The following DLG5 variants were observed in gnomAD, a reference collection of about 807,000 sequenced individuals.
DLG5 encodes disks large homolog 5.
DLG5 carries 48 observed loss-of-function variants against 189.8 expected under a neutral mutation model. That is an observed-to-expected ratio of 0.25 (90% CI 0.20 to 0.32). The LOEUF is 0.32. Among genes scored for constraint, DLG5 ranks in the 10% least tolerant of loss-of-function variants. The probability of loss-of-function intolerance (pLI) is 1.00; values close to 1 mark genes in which losing one functional copy is unlikely to be tolerated. For missense variants in DLG5, 2,160 were observed against 2,544.7 expected (o/e 0.85, Z 3.25); for synonymous variants, 1,016 against 1,054.1 (o/e 0.96, Z 0.70).
intron 13 of DLG5, chr10:77,824,684 C>T: frequency 1.9e-6 from 1 of 536,186 alleles, no homozygotes; most frequent in Non-Finnish European, 3.3e-6. Context: ...CATAAGCCTT[C>T]ACAGCAGGCT....
intron 1 of DLG5, among the ~76,000 whole-genome samples, chr10:77,905,399 T>C (rs1208632435): frequency 1.3e-5 from 2 of 152,204 alleles, no homozygotes; most frequent in Non-Finnish European, 2.9e-5. Context: ...ATGGCCAAGA[T>C]GAGAATATGG....
intron 23 of DLG5, 84 bp downstream of exon 23, chr10:77,811,010 C>T: frequency 6.6e-7 from 1 of 1,517,078 alleles, no homozygotes; most frequent in East Asian, 2.3e-5. Context: ...GCCAGCTGCC[C>T]AGTGCCCACG....
rs376423774 is a variant in DLG5, at chr10:77,823,975, C to T, written c.2382+409G>A. Among the ~76,000 whole-genome samples the T allele has an allele frequency of 7.9e-5, 12 of 152,020 alleles. 1 individual carries two copies. Among genetic ancestry groups the T allele is most frequent in the Admixed American group, 5.9e-4 (9 of 15,258 alleles). Reference sequence around the variant, plus strand: ...GCTGTGTTGCTGGGCTCAAGTGATTCGACTGCCTTGGCCTCCCAAAGTGTT... The same window carrying T: ...GCTGTGTTGCTGGGCTCAAGTGATTTGACTGCCTTGGCCTCCCAAAGTGTT... On this transcript the variant is annotated intron_variant, in intron 14 of 31. Transcript: ENST00000372391.
chr10:77,841,016 T>C (rs1483467835), intron 7 of DLG5, among the ~76,000 whole-genome samples: 4 of 152,236 alleles, frequency 2.6e-5, no homozygotes, highest in Admixed American at 2.6e-4. Context: ...CTTTGAAAGC[T>C]GCATTCTAAC....
intron 1 of DLG5, among the ~76,000 whole-genome samples, chr10:77,874,016 G>A (rs1440947193): frequency 6.6e-6 from 1 of 152,180 alleles, no homozygotes. Context: ...ACAGCCTGAC[G>A]AACCACAGCA....
At chr10:77,938,010 G>A in the DLG5 span, among the ~76,000 whole-genome samples, 1 of 150,558 alleles carries the variant, frequency 6.6e-6, no homozygotes, top group Non-Finnish European at 1.5e-5. Context: ...GAGCCACCGC[G>A]CCTGGCCATA....
chr10:77,934,154 C>T, the DLG5 span, among the ~76,000 whole-genome samples: 4 of 151,906 alleles, frequency 2.6e-5, no homozygotes, highest in African/African-American at 4.8e-5. Flanking sequence ...GTGGATCACC[C>T]GAGGTCAGGA....
intron 9 of DLG5, among the ~76,000 whole-genome samples, chr10:77,831,930 G>A (rs747577083): frequency 2.0e-5 from 3 of 152,198 alleles, no homozygotes; most frequent in Non-Finnish European, 2.9e-5. Flanking sequence ...ACTGATGGCC[G>A]GATGCGGAGG....
At chr10:77,938,801 C>G in the DLG5 span, among the ~76,000 whole-genome samples, 1 of 152,214 alleles carries the variant, frequency 6.6e-6, no homozygotes, top group Non-Finnish European at 1.5e-5. Context: ...CCCCTCCCAG[C>G]CTTTCTAGTT....
intron 1 of DLG5, among the ~76,000 whole-genome samples, chr10:77,881,214 C>A (rs1244324626): frequency 3.3e-5 from 5 of 152,102 alleles, no homozygotes; most frequent in Non-Finnish European, 7.4e-5. Flanking sequence ...CAGACCTCCT[C>A]CTTTCTGACA....
At chr10:77,825,470 T>C (rs1842586896) in intron 13 of DLG5, among the ~76,000 whole-genome samples, 1 of 150,612 alleles carries the variant, frequency 6.6e-6, no homozygotes, top group African/African-American at 2.4e-5. Context: ...GGTGCAACCA[T>C]GAGGGGAAGC....
chr10:77,882,779 C>T (rs1207609856), intron 1 of DLG5, among the ~76,000 whole-genome samples: 2 of 151,296 alleles, frequency 1.3e-5, no homozygotes, highest in Non-Finnish European at 2.9e-5. Flanking sequence ...AAAAGTCAGC[C>T]TGGTGTGGTG....
At position 77,792,119 on chromosome 10, in the gene DLG5, G is replaced by C; in HGVS notation, c.*321C>G. The C allele has an allele frequency of 2.8e-6, 1 of 352,078 alleles. No individual in the cohort carries two copies. The highest frequency in any genetic ancestry group is 5.2e-6 in the Non-Finnish European group (1 of 192,820). The allele number at this position is 352,078 out of a possible 1,614,324, so 21.8% of individuals were successfully genotyped here. On this transcript the variant is annotated 3_prime_UTR_variant, in exon 32 of 32. Coordinates refer to ENST00000372391, the MANE Select transcript of DLG5 (RefSeq NM_004747.4). ...ACCACCAAATACTTAGAAAAGGCTTGTAAACGAGTGATCCGAAAGGTTCTC... is the reference window on the plus strand; with the variant it reads ...ACCACCAAATACTTAGAAAAGGCTTCTAAACGAGTGATCCGAAAGGTTCTC...
intron 1 of DLG5, among the ~76,000 whole-genome samples, chr10:77,888,527 G>A (rs1845511417): frequency 6.6e-6 from 1 of 152,204 alleles, no homozygotes; most frequent in Non-Finnish European, 1.5e-5. Context: ...ATCAGGCGGA[G>A]CTTTGCGACA....
chr10:77,818,275 CCT>C (rs1417818404), intron 17 of DLG5, among the ~76,000 whole-genome samples: 1 of 152,108 alleles, frequency 6.6e-6, no homozygotes, highest in Non-Finnish European at 1.5e-5. Flanking sequence ...GGGGAGGGGA[CCT>C]ATGTGCCTCA....
chr10:77,880,323 G>A (rs1418146315), intron 1 of DLG5, among the ~76,000 whole-genome samples: 4 of 152,112 alleles, frequency 2.6e-5, no homozygotes, highest in African/African-American at 7.2e-5. Flanking sequence ...CCATGGTGGC[G>A]CATGCCTGTA....
At chr10:77,854,753 A>T (rs1377664430) in intron 3 of DLG5, among the ~76,000 whole-genome samples, 4 of 152,116 alleles carry the variant, frequency 2.6e-5, no homozygotes, top group African/African-American at 9.7e-5. Context: ...TGGGAGGCTG[A>T]GGCAGGTGGA....
At chr10:77,815,533 G>A (rs940746957) in intron 20 of DLG5, among the ~76,000 whole-genome samples, 22 of 152,096 alleles carry the variant, frequency 1.4e-4, no homozygotes, top group East Asian at 5.8e-4. Context: ...GGTGGTGGGC[G>A]CCTGTAATCT....
In DLG5 at chr10:77,904,060, T is replaced by G. The variant is rs1433704300; in HGVS notation, c.304+22157A>C. 3.3e-5 allele frequency among the ~76,000 whole-genome samples: 5 copies of G among 152,276 alleles called. No homozygotes were observed. In the South Asian group the frequency reaches 6.2e-4, roughly 19 times the overall value. ...TGGTGTGCACCTGTATCTCAGCTAC[T>G]CAGGAGGCTGCAGTGGGAGGATCAG... On this transcript the variant is annotated intron_variant, in intron 1 of 31. Coordinates refer to ENST00000372391, the MANE Select transcript of DLG5 (RefSeq NM_004747.4).
Sources: allele counts gnomAD v4.1 joint callset (sites outside exome capture counted in the v4.1 genomes callset), GRCh38; gene constraint gnomAD v4.1.1; transcripts MANE v1.5; gene names NCBI Gene and HGNC (gene_info 2026-07-23, HGNC 2026-07-21).